The following HIP1 variants were observed in gnomAD, a reference collection of about 807,000 sequenced individuals.
The protein encoded by HIP1 is huntingtin-interacting protein 1.
Under a neutral mutation model 147.6 loss-of-function variants are expected in HIP1, and 65 were observed. The ratio of observed to expected loss-of-function variants is 0.44; its 90% CI spans 0.36 to 0.54. The LOEUF (loss-of-function observed/expected upper bound fraction) is 0.54. Among genes scored for constraint, HIP1 ranks in the 20% least tolerant of loss-of-function variants. HIP1 has a pLI of 0.00. For missense variants in HIP1, 1,061 were observed against 1,299.6 expected, an observed-to-expected ratio of 0.82 and a Z score of 2.82; for synonymous variants, 479 against 504.0, an observed-to-expected ratio of 0.95 and a Z score of 0.67.
intron 1 of HIP1, among the ~76,000 whole-genome samples, chr7:75,736,676 G>A (rs879977698): frequency 6.6e-6 from 1 of 152,082 alleles, no homozygotes; most frequent in South Asian, 2.1e-4. Context: ...CTTTTCAGGG[G>A]TCGGGTCCAT....
intron 1 of HIP1, among the ~76,000 whole-genome samples, chr7:75,718,930 A>G (rs1801405685): frequency 6.6e-6 from 1 of 152,116 alleles, no homozygotes; most frequent in African/African-American, 2.4e-5. Flanking sequence ...GATATCCCTC[A>G]ACTCAGGCCT....
intron 21 of HIP1, 121 bp downstream of exon 21, chr7:75,553,992 G>T: frequency 1.5e-6 from 1 of 676,924 alleles, no homozygotes; most frequent in Admixed American, 2.5e-5. Context: ...TGATCTGCCC[G>T]CCTCAGCCTC....
At chr7:75,545,425 T>G (rs587617117) in intron 25 of HIP1, among the ~76,000 whole-genome samples, 2 of 151,244 alleles carry the variant, frequency 1.3e-5, no homozygotes, top group South Asian at 4.2e-4. Context: ...GTGGATCACT[T>G]GAGGTCAGGA....
intron 1 of HIP1, among the ~76,000 whole-genome samples, chr7:75,670,801 T>TTTTTTTTTTA (rs56213047): frequency 6.8e-6 from 1 of 147,752 alleles, no homozygotes; most frequent in Admixed American, 6.9e-5. Context: ...TTTTTTTTTT[T>TTTTTTTTTTA]GGTAGAGATA....
At chr7:75,663,087 C>T (rs1313819776) in intron 1 of HIP1, among the ~76,000 whole-genome samples, 1 of 152,198 alleles carries the variant, frequency 6.6e-6, no homozygotes, top group Non-Finnish European at 1.5e-5. Flanking sequence ...AGAATTTACA[C>T]TTATCCTAAT....
At chr7:75,595,187 C>CCTTTCTTTCTTTCTCT (rs1796645835) in intron 2 of HIP1, among the ~76,000 whole-genome samples, 1 of 108,340 alleles carries the variant, frequency 9.2e-6, no homozygotes, top group African/African-American at 3.4e-5. Context: ...GTGTAGGAGT[C>CCTTTCTTTCTTTCTCT]CTTTCTTTCT....
Position 75,621,725 on chromosome 7 carries a change from G to A in HIP1, c.121-22478C>T, listed in dbSNP as rs116034052. 8.7e-3 allele frequency among the ~76,000 whole-genome samples: 1,320 copies of A among 152,318 alleles called. 19 individuals are homozygous for A. The highest frequency in any genetic ancestry group is 0.03 in the African/African-American group (1,251 of 41,574). On this transcript the variant is annotated intron_variant, in intron 1 of 30. Transcript: ENST00000336926. ...ATGGTGGAGGCAGAGGAGGTGTCGA[G>A]ACGTGGTCGGTCTCTGAATTTATTT...
Position 75,573,867 on chromosome 7 carries a change from G to A in HIP1, c.639C>T (p.Ser213=), listed in dbSNP as rs781921577. The change falls in exon 8 of 31, where the codon TCC becomes TCT. Residue 213 remains serine, a synonymous_variant. Transcript: ENST00000336926. ...GGCGGCACTGCCCTGCTGCCGTCAC[G>A]GACACAGAGCGGGACATGTCCAGGG... ...FNSLDMSRSV[S]VTAAGQCRLA... 1.7e-5 allele frequency: 27 copies of A among 1,613,976 alleles called. No homozygotes were observed. Among genetic ancestry groups the A allele is most frequent in the East Asian group, 4.5e-5 (2 of 44,890 alleles).
In HIP1 at chr7:75,535,713, AT is replaced by A. The variant is rs782513114; in HGVS notation, c.*2458del. 0.02 allele frequency: 3,135 copies of A among 155,854 alleles called. 3 individuals carry two copies. The highest frequency in any genetic ancestry group is 0.083 in the East Asian group (695 of 8,400). 9.7% of individuals were successfully genotyped at this position (155,854 alleles called of 1,614,324 possible). A position where few individuals can be genotyped will look rare whatever the true frequency, so the allele number is the denominator to read the frequency against. On this transcript the variant is annotated 3_prime_UTR_variant, in exon 31 of 31. Transcript: ENST00000336926. The stretch of plus-strand genomic sequence containing the variant: ...CACTAGACTGTTTGCCCCATTTGTA[AT>A]TTTTTTTTTTTTTTGAGACGGAGTT...
chr7:75,556,616 G>T, intron 17 of HIP1, 94 bp downstream of exon 17: 1 of 796,346 alleles, frequency 1.3e-6, no homozygotes, highest in Non-Finnish European at 2.2e-6. Flanking sequence ...GCCCAGGGAG[G>T]TGGAGGCTGC....
chr7:75,716,828 G>C lies in HIP1; in HGVS notation c.120+21973C>G, dbSNP rs190193445. ...ACCACCACGCCCAGCTTTTTTTTAG[G>C]GGGGGGGAAAGGATCTCACTCTGTC... On this transcript the variant is annotated intron_variant, in intron 1 of 30. Coordinates refer to ENST00000336926, the MANE Select transcript of HIP1 (RefSeq NM_005338.7). Among the ~76,000 whole-genome samples, 992 of 146,728 alleles carry C rather than the reference G, an allele frequency of 6.8e-3. 18 individuals carry two copies. Among genetic ancestry groups the C allele is most frequent in the African/African-American group, 0.023 (882 of 37,612 alleles).
At position 75,546,945 on chromosome 7, in the gene HIP1, G is replaced by T. The variant is rs782265620; in HGVS notation, c.2553C>A (p.Ser851Arg). The T allele has an allele frequency of 3.2e-6, 5 of 1,568,078 alleles. No homozygotes were observed. In the East Asian group the frequency reaches 1.2e-4, roughly 36 times the overall value. ...GGCCCACACCCACGCTCACCCTGCC[G>T]CTCTCCACAATCTCTCTCTGGAGGT... ...SKDLQREIVE[S>R]GRGTASPKEF... is the part of the protein sequence containing the mutation. The change falls in exon 25 of 31, where the codon AGC becomes AGA. Residue 851 changes from serine (S) to arginine (R), a missense_variant. Physicochemically the swap from Ser to Arg is moderately radical, Grantham distance 110. Around this residue, in one of 3 missense-constraint regions of HIP1, gnomAD observed 810 missense variants for 946.8 expected, o/e 0.86. Coordinates refer to ENST00000336926, the MANE Select transcript of HIP1 (RefSeq NM_005338.7).
chr7:75,576,307 G>A (rs1338361505), intron 7 of HIP1, among the ~76,000 whole-genome samples: 1 of 152,180 alleles, frequency 6.6e-6, no homozygotes, highest in African/African-American at 2.4e-5. Flanking sequence ...GACTGGTTAG[G>A]ATCACCTGGG....
chr7:75,667,917 A>G (rs1799611258), intron 1 of HIP1, among the ~76,000 whole-genome samples: 2 of 152,264 alleles, frequency 1.3e-5, no homozygotes, highest in Admixed American at 6.5e-5. Context: ...TGATTTTATA[A>G]AACAGACATC....
chr7:75,721,457 A>AGTTC (rs1387670101), intron 1 of HIP1, among the ~76,000 whole-genome samples: 1 of 151,914 alleles, frequency 6.6e-6, no homozygotes, highest in Admixed American at 6.6e-5. Flanking sequence ...TGAGCCCAGA[A>AGTTC]GTTCGAGGCT....
chr7:75,595,900 T>C (rs1405657936), intron 2 of HIP1, among the ~76,000 whole-genome samples: 1 of 152,202 alleles, frequency 6.6e-6, no homozygotes, highest in African/African-American at 2.4e-5. Flanking sequence ...GACTTCCTAA[T>C]GCTTATTCAG....
intron 1 of HIP1, among the ~76,000 whole-genome samples, chr7:75,694,037 A>T (rs539043535): frequency 1.4e-4 from 20 of 146,888 alleles, no homozygotes; most frequent in African/African-American, 5.1e-4. Context: ...CTCCTGCCTC[A>T]GCCTCCCCAG....
chr7:75,563,308 G>T, intron 9 of HIP1, 45 bp from the exon 10 acceptor site: 1 of 1,576,800 alleles, frequency 6.3e-7, no homozygotes, highest in Non-Finnish European at 8.7e-7. Flanking sequence ...GTCTTCATCA[G>T]CCCCATGTAG....
chr7:75,622,575 CTAAA>C (rs1160729343), intron 1 of HIP1, among the ~76,000 whole-genome samples: 4 of 151,766 alleles, frequency 2.6e-5, no homozygotes, highest in African/African-American at 4.8e-5. Context: ...AACCTGGTCT[CTAAA>C]TAAATAAATA....
Sources: allele counts gnomAD v4.1 joint callset (sites outside exome capture counted in the v4.1 genomes callset), GRCh38; gene constraint gnomAD v4.1.1; regional missense constraint gnomAD v4.1.1; transcripts MANE v1.5; gene names NCBI Gene and HGNC (gene_info 2026-07-23, HGNC 2026-07-21).